The following ZNF385D variants were observed in gnomAD, a reference collection of about 807,000 sequenced individuals.
ZNF385D encodes zinc finger protein 385D, also known as zinc finger protein 659.
ZNF385D carries 15 observed loss-of-function variants against 35.8 expected under a neutral mutation model. The observed-to-expected ratio is 0.42, with a 90% CI of 0.28 to 0.64. The LOEUF is 0.64. Among genes scored for constraint, ZNF385D ranks in the 30% least tolerant of loss-of-function variants. The pLI, the probability that ZNF385D is intolerant of heterozygous loss-of-function variation, is 0.23. For missense variants in ZNF385D, 474 were observed against 494.6 expected (o/e 0.96, Z 0.39); for synonymous variants, 212 against 186.8 (o/e 1.13, Z -1.10).
intron 3 of ZNF385D, among the ~76,000 whole-genome samples, chr3:21,886,921 G>T (rs1160101415): frequency 1.3e-5 from 2 of 152,062 alleles, no homozygotes; most frequent in African/African-American, 4.8e-5. Context: ...CATTCATATG[G>T]GTCGGCCAAA....
Position 22,064,209 on chromosome 3 carries a change from G to A in ZNF385D, c.325+104608C>T, listed in dbSNP as rs1576249938. On this transcript the variant is annotated intron_variant, in intron 3 of 5. Transcript: ENST00000494108. Reference sequence around the variant, plus strand: ...GATTAGCTCAGGAGAAGCCATGACAGTTTGCTCAGGCAATACAGGGGTAAT... The same window carrying A: ...GATTAGCTCAGGAGAAGCCATGACAATTTGCTCAGGCAATACAGGGGTAAT... 2.0e-5 allele frequency among the ~76,000 whole-genome samples: 3 copies of A among 152,340 alleles called. No individual in the cohort carries two copies. In the South Asian group the frequency reaches 6.2e-4, roughly 32 times the overall value.
chr3:22,088,653 G>C (rs1701167229), intron 3 of ZNF385D, among the ~76,000 whole-genome samples: 1 of 152,170 alleles, frequency 6.6e-6, no homozygotes, highest in Admixed American at 6.5e-5. Flanking sequence ...GGATGGAGCT[G>C]TGTGGGACCA....
chr3:22,236,437 T>A (rs1699188771), intron 2 of ZNF385D, among the ~76,000 whole-genome samples: 3 of 152,042 alleles, frequency 2.0e-5, no homozygotes, highest in African/African-American at 7.2e-5. Flanking sequence ...CTTCAAGTGA[T>A]CCTCCCATCT....
At chr3:22,116,885 C>T (rs983281608) in intron 3 of ZNF385D, among the ~76,000 whole-genome samples, 2 of 151,988 alleles carry the variant, frequency 1.3e-5, no homozygotes, top group East Asian at 3.9e-4. Flanking sequence ...AATGAAAACA[C>T]TGAGTTGTCA....
chr3:21,448,853 C>T (rs1398048732), intron 4 of ZNF385D, among the ~76,000 whole-genome samples: 13 of 86,702 alleles, frequency 1.5e-4, no homozygotes, highest in African/African-American at 5.6e-4. Context: ...CAAACTACAG[C>T]AAACTGCCCC....
chr3:21,601,687 C>CA (rs1195033840), intron 2 of ZNF385D, among the ~76,000 whole-genome samples: 1 of 152,218 alleles, frequency 6.6e-6, no homozygotes, highest in African/African-American at 2.4e-5. Flanking sequence ...TGCTCACAAA[C>CA]ACCCAAAGAT....
intron 2 of ZNF385D, among the ~76,000 whole-genome samples, chr3:21,605,313 T>C (rs1448418824): frequency 6.6e-6 from 1 of 152,196 alleles, no homozygotes; most frequent in East Asian, 1.9e-4. Context: ...AGTATAAATG[T>C]TGAGCAACCC....
intron 3 of ZNF385D, among the ~76,000 whole-genome samples, chr3:21,947,650 A>G (rs1432665301): frequency 1.3e-5 from 2 of 152,162 alleles, no homozygotes; most frequent in African/African-American, 4.8e-5. Context: ...GCGCCCGGCT[A>G]TAAGTTATTT....
chr3:21,562,586 T>C (rs1281403477), intron 3 of ZNF385D, among the ~76,000 whole-genome samples: 1 of 152,160 alleles, frequency 6.6e-6, no homozygotes, highest in Non-Finnish European at 1.5e-5. Context: ...AGTGAAATCA[T>C]AGGCAGGAGG....
intron 3 of ZNF385D, among the ~76,000 whole-genome samples, chr3:22,153,301 G>C (rs1705373779): frequency 1.3e-5 from 2 of 151,916 alleles, no homozygotes; most frequent in South Asian, 4.2e-4. Flanking sequence ...CACCTGCTGG[G>C]CTGAGTGGTC....
In ZNF385D at chr3:21,820,084, T is replaced by C. The variant is rs113357241; in HGVS notation, c.326-155056A>G. Among the ~76,000 whole-genome samples, 792 of 151,664 alleles carry C rather than the reference T, an allele frequency of 5.2e-3. 6 individuals carry two copies. Among genetic ancestry groups the C allele is most frequent in the African/African-American group, 0.017 (711 of 41,506 alleles). ...AAATATGTGAATAAAATATTGAATA[T>C]ATTTTATCTAATGAGCATTTAATAA... On this transcript the variant is annotated intron_variant, in intron 3 of 5. Transcript: ENST00000494108.
At chr3:21,636,091 A>G (rs945866438) in intron 2 of ZNF385D, among the ~76,000 whole-genome samples, 1 of 151,920 alleles carries the variant, frequency 6.6e-6, no homozygotes, top group Admixed American at 6.6e-5. Flanking sequence ...GGATTGCTGA[A>G]TCAAATAGTA....
rs748832663 is a variant in ZNF385D, at chr3:21,843,583, T to G, written c.326-178555A>C. ...ATCCAACCAAAATGTATTAATATAT[T>G]GAGCTATTAAAATATAGAGGATACT... On this transcript the variant is annotated intron_variant, in intron 3 of 5. Coordinates refer to the ZNF385D transcript ENST00000494108. Among the ~76,000 whole-genome samples, 21 of 152,080 alleles carry G rather than the reference T, an allele frequency of 1.4e-4. No individual in the cohort carries two copies. The Middle Eastern group carries it at 0.01, about 74-fold the overall frequency.
At chr3:21,670,647 G>GCCCCCCCCCCCCCCC (rs1575432248) in intron 1 of ZNF385D, among the ~76,000 whole-genome samples, 2 of 15,758 alleles carry the variant, frequency 1.3e-4, no homozygotes, top group African/African-American at 4.9e-4. Context: ...GAAATCCTAA[G>GCCCCCCCCCCCCCCC]GCGCCCCCCC....
At chr3:21,642,187 A>G (rs895712490) in intron 2 of ZNF385D, among the ~76,000 whole-genome samples, 1 of 152,114 alleles carries the variant, frequency 6.6e-6, no homozygotes, top group East Asian at 1.9e-4. Context: ...CTTTTGTGCT[A>G]TATGTAAATC....
intron 2 of ZNF385D, among the ~76,000 whole-genome samples, chr3:22,239,931 C>T (rs1465055434): frequency 6.6e-6 from 1 of 150,390 alleles, no homozygotes; most frequent in Non-Finnish European, 1.5e-5. Flanking sequence ...AATCACAGCA[C>T]TTTGGGAGAC....
intron 2 of ZNF385D, among the ~76,000 whole-genome samples, chr3:22,295,309 T>A (rs925310364): frequency 1.3e-5 from 2 of 152,152 alleles, no homozygotes; most frequent in African/African-American, 4.8e-5. Context: ...AAGTTTCAAT[T>A]TTTATGCAAA....
intron 3 of ZNF385D, among the ~76,000 whole-genome samples, chr3:21,984,485 G>A (rs1694692517): frequency 7.5e-6 from 1 of 134,016 alleles, no homozygotes; most frequent in Non-Finnish European, 1.6e-5. Flanking sequence ...TAGGTATACG[G>A]CGTTATTTCT....
chr3:21,863,994 C>T (rs1035975046), intron 3 of ZNF385D, among the ~76,000 whole-genome samples: 3 of 152,136 alleles, frequency 2.0e-5, no homozygotes, highest in African/African-American at 7.2e-5. Flanking sequence ...AGATGATACT[C>T]ATGATGCCGG....
Sources: allele counts gnomAD v4.1 joint callset (sites outside exome capture counted in the v4.1 genomes callset), GRCh38; gene constraint gnomAD v4.1.1; transcripts MANE v1.5; gene names NCBI Gene and HGNC (gene_info 2026-07-23, HGNC 2026-07-21).